KSR2: variants seen among roughly 807,000 people sequenced by gnomAD.
KSR2 encodes kinase suppressor of ras 2.
In KSR2, 25 loss-of-function variants were observed where a neutral mutation model predicts 107.8. That is an observed-to-expected ratio of 0.23 (90% CI 0.17 to 0.32). The LOEUF is 0.32. Among genes scored for constraint, KSR2 ranks in the 10% least tolerant of loss-of-function variants. The probability of loss-of-function intolerance (pLI) is 1.00; values close to 1 mark genes in which losing one functional copy is unlikely to be tolerated. For synonymous variants in KSR2, 480 were observed against 507.0 expected, an observed-to-expected ratio of 0.95 and a Z score of 0.71; for missense variants, 887 against 1,268.9, an observed-to-expected ratio of 0.70 and a Z score of 4.57.
intron 3 of KSR2, among the ~76,000 whole-genome samples, chr12:117,822,912 C>T (rs1891614289): frequency 6.6e-6 from 1 of 151,914 alleles, no homozygotes; most frequent in Non-Finnish European, 1.5e-5. Flanking sequence ...CATGTACTAC[C>T]AAGAAAAAGA....
intron 13 of KSR2, 118 bp downstream of exon 13, chr12:117,526,952 AG>A: frequency 1.3e-6 from 1 of 766,812 alleles, no homozygotes; most frequent in African/African-American, 1.7e-5. Flanking sequence ...TCCATCAGTC[AG>A]GGCCACCACA....
intron 9 of KSR2, among the ~76,000 whole-genome samples, chr12:117,551,250 C>T (rs1196697674): frequency 6.6e-6 from 1 of 152,082 alleles, no homozygotes; most frequent in East Asian, 1.9e-4. Context: ...CTTCCTCCTT[C>T]TTTCTCCTTC....
intron 4 of KSR2, among the ~76,000 whole-genome samples, chr12:117,724,946 T>C (rs988398428): frequency 1.3e-5 from 2 of 152,056 alleles, no homozygotes; most frequent in African/African-American, 2.4e-5. Flanking sequence ...TGGATGCTCT[T>C]GGGGCAAGTG....
intron 16 of KSR2, 143 bp downstream of exon 16, chr12:117,484,273 C>A: frequency 3.4e-6 from 3 of 878,320 alleles, no homozygotes; most frequent in South Asian, 3.5e-5. Flanking sequence ...TGGCATCCCA[C>A]ATCAGTAGAG....
chr12:117,933,546 C>T (rs557891170), intron 1 of KSR2, among the ~76,000 whole-genome samples: 1 of 151,364 alleles, frequency 6.6e-6, no homozygotes, highest in East Asian at 2.0e-4. Context: ...GAGCTGAGAT[C>T]ATGCCACTGC....
chr12:117,784,510 C>T (rs1349753222), intron 3 of KSR2, among the ~76,000 whole-genome samples: 2 of 152,188 alleles, frequency 1.3e-5, no homozygotes, highest in Non-Finnish European at 2.9e-5. Flanking sequence ...CTAATACAGT[C>T]AGGTAATTAG....
intron 4 of KSR2, chr12:117,674,400 G>A (rs1453624007): frequency 2.2e-5 from 10 of 457,274 alleles, no homozygotes; most frequent in Non-Finnish European, 4.4e-5. Context: ...ATTTTAAATT[G>A]AATAACTCTG....
intron 14 of KSR2, among the ~76,000 whole-genome samples, chr12:117,515,137 G>T (rs947161348): frequency 6.6e-6 from 1 of 152,176 alleles, no homozygotes; most frequent in African/African-American, 2.4e-5. Flanking sequence ...CAGACATCAT[G>T]CCTTCCTCTC....
rs759303722 is a variant in KSR2 at position 117,469,643 on chromosome 12, AT to A, written c.2846+18del. 3.1e-6 allele frequency: 5 copies of A among 1,610,096 alleles called. No homozygotes were observed. Among genetic ancestry groups the A allele is most frequent in the Non-Finnish European group, 4.2e-6 (5 of 1,178,158 alleles). Reference sequence around the variant, plus strand: ...AGAGGACAAGGCAGTGGGGAGAGACATTAAGGGAGAAAACCTACTCTGCAGA... The same window carrying A: ...AGAGGACAAGGCAGTGGGGAGAGACATAAGGGAGAAAACCTACTCTGCAGA... On this transcript the variant is annotated intron_variant, in intron 19 of 19. Transcript: ENST00000339824.
chr12:117,529,502 C>CACT (rs1875459880), intron 12 of KSR2, among the ~76,000 whole-genome samples: 1 of 151,904 alleles, frequency 6.6e-6, no homozygotes, highest in African/African-American at 2.4e-5. Flanking sequence ...AGGCATGAGC[C>CACT]ACTGCGCCTG....
chr12:117,905,273 G>A (rs1189720012), intron 1 of KSR2, among the ~76,000 whole-genome samples: 1 of 152,104 alleles, frequency 6.6e-6, no homozygotes, highest in East Asian at 1.9e-4. Context: ...AAAAAAACGT[G>A]TATTCAAGCT....
intron 7 of KSR2, among the ~76,000 whole-genome samples, chr12:117,575,146 G>T (rs1020377505): frequency 6.6e-6 from 1 of 152,090 alleles, no homozygotes; most frequent in Non-Finnish European, 1.5e-5. Flanking sequence ...TTTACTTACT[G>T]TCTGCCCAAC....
chr12:117,765,903 G>A (rs1889208572), intron 3 of KSR2, among the ~76,000 whole-genome samples: 1 of 152,192 alleles, frequency 6.6e-6, no homozygotes, highest in South Asian at 2.1e-4. Flanking sequence ...GCAGATGATT[G>A]AAGATGGGTG....
intron 1 of KSR2, among the ~76,000 whole-genome samples, chr12:117,917,915 C>T (rs983084195): frequency 6.6e-6 from 1 of 152,190 alleles, no homozygotes; most frequent in Non-Finnish European, 1.5e-5. Context: ...ACCTGAATAA[C>T]TGGCTTCTCT....
intron 4 of KSR2, among the ~76,000 whole-genome samples, chr12:117,731,317 G>T (rs1157023292): frequency 6.7e-6 from 1 of 148,382 alleles, no homozygotes; most frequent in African/African-American, 2.5e-5. Flanking sequence ...CCCAGCAGCC[G>T]CCCCGTCTGA....
In KSR2 at chr12:117,968,389, A is replaced by G; in HGVS notation, c.-134T>C. 7.2e-7 allele frequency: 1 copy of G among 1,382,018 alleles called. No homozygotes were observed. Among genetic ancestry groups the G allele is most frequent in the Non-Finnish European group, 9.3e-7 (1 of 1,075,608 alleles). 85.6% of individuals were successfully genotyped at this position (1,382,018 alleles called of 1,614,324 possible). Reference sequence around the variant, plus strand: ...CAATGTCTCATGAAGAAGAAATCCAACATCTCACACAGGGTTGAGGGGGTG... The same window carrying G: ...CAATGTCTCATGAAGAAGAAATCCAGCATCTCACACAGGGTTGAGGGGGTG... On this transcript the variant is annotated 5_prime_UTR_variant, in exon 1 of 20. Transcript: ENST00000339824.
chr12:117,694,025 A>T (rs369930219), intron 4 of KSR2, among the ~76,000 whole-genome samples: 5 of 152,336 alleles, frequency 3.3e-5, no homozygotes, highest in African/African-American at 1.2e-4. Context: ...TGATAAGTGA[A>T]AGGGTTAACC....
chr12:117,932,171 C>T (rs989088663), intron 1 of KSR2, among the ~76,000 whole-genome samples: 3 of 152,104 alleles, frequency 2.0e-5, no homozygotes, highest in South Asian at 2.1e-4. Flanking sequence ...CCTGTAATCT[C>T]GGCTATTCAG....
chr12:117,635,306 G>A lies in KSR2; in HGVS notation c.1171+32168C>T, dbSNP rs547689740. On this transcript the variant is annotated intron_variant, in intron 5 of 19. Transcript: ENST00000339824. ...CTATATTTTAAACAACAAAGGGAGGGTAGGTGATTATGAAGTGATTAAAAC... is the reference window on the plus strand; with the variant it reads ...CTATATTTTAAACAACAAAGGGAGGATAGGTGATTATGAAGTGATTAAAAC... Among the ~76,000 whole-genome samples the A allele has an allele frequency of 3.9e-5, 6 of 152,330 alleles. No homozygotes were observed. The East Asian group carries it at 1.2e-3, about 29-fold the overall frequency.
Sources: allele counts gnomAD v4.1 joint callset (sites outside exome capture counted in the v4.1 genomes callset), GRCh38; gene constraint gnomAD v4.1.1; transcripts MANE v1.5; gene names NCBI Gene and HGNC (gene_info 2026-07-23, HGNC 2026-07-21).